Variants in ANK1 observed in about 807,000 individuals in gnomAD.
ANK1 encodes the protein ankyrin-1.
A neutral mutation model predicts 210.4 loss-of-function variants in ANK1; 51 were observed. That is an observed-to-expected ratio of 0.24 (90% CI 0.19 to 0.31). ANK1 has a LOEUF of 0.31. Among genes scored for constraint, ANK1 ranks in the 10% least tolerant of loss-of-function variants. ANK1 has a pLI of 1.00. For synonymous variants in ANK1, 967 were observed against 1,025.9 expected, an observed-to-expected ratio of 0.94 and a Z score of 1.10; for missense variants, 2,051 against 2,504.4, an observed-to-expected ratio of 0.82 and a Z score of 3.86.
At chr8:41,749,471 A>T (rs1299138573) in intron 2 of ANK1, among the ~76,000 whole-genome samples, 2 of 151,648 alleles carry the variant, frequency 1.3e-5, no homozygotes, top group Non-Finnish European at 2.9e-5. Context: ...CTAATTTTTT[A>T]TTTTTAGTAG....
In ANK1 at chr8:41,821,495, G is replaced by A. The variant is rs562564282; in HGVS notation, c.127-63358C>T. 2.0e-5 allele frequency among the ~76,000 whole-genome samples: 3 copies of A among 152,212 alleles called. No homozygotes were observed. The East Asian group carries it at 5.8e-4, about 29-fold the overall frequency. ...AACCGTAGGGCTTTAAACAAAATAA[G>A]TGCTCAGTAATTACCTGCCAAGTGG... On this transcript the variant is annotated intron_variant, in intron 1 of 42. Transcript: ENST00000265709.
intron 38 of ANK1, 51 bp from the exon 39 acceptor site, chr8:41,668,615 A>T (rs189959487): frequency 1.3e-6 from 2 of 1,555,368 alleles, no homozygotes; most frequent in East Asian, 4.5e-5. Flanking sequence ...GAGAAAAGAC[A>T]CCTGGTCACC....
At chr8:41,812,267 A>G (rs1802608247) in intron 1 of ANK1, among the ~76,000 whole-genome samples, 1 of 152,244 alleles carries the variant, frequency 6.6e-6, no homozygotes, top group African/African-American at 2.4e-5. Context: ...TTAAGTTGAC[A>G]TAATACAGAT....
chr8:41,685,591 C>T (rs951740072), intron 36 of ANK1, among the ~76,000 whole-genome samples: 7 of 152,188 alleles, frequency 4.6e-5, no homozygotes, highest in African/African-American at 1.4e-4. Flanking sequence ...AAAGATGAGT[C>T]ATACACCCTG....
intron 2 of ANK1, among the ~76,000 whole-genome samples, chr8:41,756,122 C>T (rs1318553262): frequency 1.3e-5 from 2 of 152,030 alleles, no homozygotes; most frequent in Admixed American, 6.6e-5. Context: ...TAGTATTTTG[C>T]ATTTTATTTA....
chr8:41,658,441 TC>T (rs1806524822), intron 42 of ANK1, among the ~76,000 whole-genome samples: 1 of 152,260 alleles, frequency 6.6e-6, no homozygotes, highest in African/African-American at 2.4e-5. Flanking sequence ...AGGGACATTT[TC>T]ATCCTCCCTT....
intron 1 of ANK1, among the ~76,000 whole-genome samples, chr8:41,823,393 A>G (rs183627851): frequency 2.6e-4 from 39 of 152,212 alleles, no homozygotes; most frequent in Non-Finnish European, 7.3e-5. Context: ...TAATCTTTAT[A>G]TTAGAGATAC....
chr8:41,665,073 C>G (rs760391414), intron 39 of ANK1: 1 of 1,598,844 alleles, frequency 6.3e-7, no homozygotes, highest in Non-Finnish European at 8.5e-7. Flanking sequence ...CCCCGGCCAC[C>G]ACGGGGGGCC....
chr8:41,709,956 C>A (rs1825694414), intron 16 of ANK1, among the ~76,000 whole-genome samples: 1 of 152,112 alleles, frequency 6.6e-6, no homozygotes, highest in Non-Finnish European at 1.5e-5. Flanking sequence ...AAGTAATGCA[C>A]CTGTGTGTCA....
intron 1 of ANK1, among the ~76,000 whole-genome samples, chr8:41,790,336 G>A (rs1448162293): frequency 6.6e-6 from 1 of 151,970 alleles, no homozygotes; most frequent in East Asian, 1.9e-4. Flanking sequence ...TAGTAAAGAC[G>A]TGGTTTCACC....
chr8:41,820,327 A>ATG lies in ANK1; in HGVS notation c.127-62192_127-62191dup, dbSNP rs56359274. 4.1e-3 allele frequency among the ~76,000 whole-genome samples: 580 copies of ATG among 142,890 alleles called. 4 individuals carry two copies. The highest frequency in any genetic ancestry group is 0.013 in the African/African-American group (480 of 37,746). The allele number at this position is 142,890 out of a possible 152,430, so 93.7% of individuals were successfully genotyped here. A position where few individuals can be genotyped will look rare whatever the true frequency, so the allele number is the denominator to read the frequency against. ...GGTGTCCACCACCACACCAAGCTAA[A>ATG]TGTGTGTGTGTGTGTGTGTGTGTGT... On this transcript the variant is annotated intron_variant, in intron 1 of 42. Transcript: ENST00000265709.
At chr8:41,658,298 G>A (rs112771403) in intron 42 of ANK1, among the ~76,000 whole-genome samples, 8,476 of 152,284 alleles carry the variant, frequency 0.056, 307 homozygotes, top group African/African-American at 0.11. Context: ...CTTGCTCCGA[G>A]TCACACTACA....
In ANK1 at chr8:41,694,538, G is replaced by A. The variant is rs1018624352; in HGVS notation, c.3327+54C>T. The A allele has an allele frequency of 2.2e-5, 34 of 1,551,286 alleles. No homozygotes were observed. The highest frequency in any genetic ancestry group is 2.1e-4 in the Admixed American group (12 of 56,712). ...TCCTGGGGAAGAGGGTGGCCTTCCC[G>A]GAGGCCTGGAGTTCAGTCCACCCCC... On this transcript the variant is annotated intron_variant, in intron 28 of 42. Transcript: ENST00000289734. The surrounding 1 kb of genome is among the most constrained non-coding windows in gnomAD (Gnocchi z 5.7).
chr8:41,802,445 G>A (rs529987103), upstream of ANK1, among the ~76,000 whole-genome samples: 50 of 152,226 alleles, frequency 3.3e-4, no homozygotes, highest in African/African-American at 1.2e-3. Flanking sequence ...CATGTTCATC[G>A]TTTATTAAGT....
chr8:41,676,910 A>G (rs1478780145), intron 37 of ANK1, among the ~76,000 whole-genome samples: 3 of 152,192 alleles, frequency 2.0e-5, no homozygotes, highest in South Asian at 2.1e-4. Flanking sequence ...CTCATTTTCA[A>G]TTTTCTAAAC....
At chr8:41,805,442 T>A (rs775446126) in intron 1 of ANK1, among the ~76,000 whole-genome samples, 3 of 152,190 alleles carry the variant, frequency 2.0e-5, no homozygotes, top group Non-Finnish European at 4.4e-5. Context: ...AGACAGGATC[T>A]CACTATGTTG....
intron 1 of ANK1, among the ~76,000 whole-genome samples, chr8:41,876,915 G>C (rs1213197335): frequency 1.3e-5 from 2 of 152,138 alleles, no homozygotes; most frequent in Admixed American, 6.5e-5. Flanking sequence ...AAAGCCAAAA[G>C]GGATTTCATG....
chr8:41,805,130 T>TTCTTTCTCTCTCTCTCATAGAGC (rs1563815040), intron 1 of ANK1, among the ~76,000 whole-genome samples: 6 of 134,094 alleles, frequency 4.5e-5, no homozygotes, highest in Non-Finnish European at 8.9e-5. Flanking sequence ...CTTTCTCTCT[T>TTCTTTCTCTCTCTCTCATAGAGC]TCTTTCTCTC....
intron 1 of ANK1, among the ~76,000 whole-genome samples, chr8:41,776,473 T>G (rs572348205): frequency 3.8e-4 from 58 of 152,158 alleles, no homozygotes; most frequent in African/African-American, 1.4e-3. Flanking sequence ...TCATGTAACC[T>G]CCATTGCACA....
Sources: gnomAD v4.1 joint callset for allele counts (sites outside exome capture counted in the v4.1 genomes callset) on GRCh38, gnomAD v4.1.1 for gene constraint, Gnocchi (gnomAD v3.1) non-coding constraint, MANE v1.5 for transcripts, NCBI Gene and HGNC (gene_info 2026-07-23, HGNC 2026-07-21) for gene names.